The following SESTD1 variants were observed in gnomAD, a reference collection of about 807,000 sequenced individuals.
The protein encoded by SESTD1 is SEC14 and spectrin domain containing 1.
Under a neutral mutation model 101.7 loss-of-function variants are expected in SESTD1, and 43 were observed. That is an observed-to-expected ratio of 0.42 (90% CI 0.33 to 0.55). The LOEUF (loss-of-function observed/expected upper bound fraction) is 0.55. SESTD1 is among the 20% of genes least tolerant of loss of function. The probability of loss-of-function intolerance (pLI) is 0.07; values close to 1 mark genes in which losing one functional copy is unlikely to be tolerated. For synonymous variants in SESTD1, 283 were observed against 286.8 expected, an observed-to-expected ratio of 0.99 and a Z score of 0.13; for missense variants, 647 against 815.1, an observed-to-expected ratio of 0.79 and a Z score of 2.51.
intron 5 of SESTD1, among the ~76,000 whole-genome samples, chr2:179,167,879 C>T (rs1482634176): frequency 6.6e-6 from 1 of 152,148 alleles, no homozygotes; most frequent in Non-Finnish European, 1.5e-5. Flanking sequence ...TCTCCTGTCT[C>T]AGCCTCCCGA....
intron 1 of SESTD1, among the ~76,000 whole-genome samples, chr2:179,219,329 A>T (rs191165671): frequency 3.9e-4 from 59 of 152,354 alleles, no homozygotes; most frequent in Middle Eastern, 6.8e-3. Context: ...TAAATCAACC[A>T]GTTTATTTGG....
At chr2:179,168,325 A>G (rs1167938636) in intron 5 of SESTD1, among the ~76,000 whole-genome samples, 1 of 152,228 alleles carries the variant, frequency 6.6e-6, no homozygotes, top group African/African-American at 2.4e-5. Context: ...TAAGAATACA[A>G]TGTATAATAC....
intron 4 of SESTD1, 79 bp from the exon 5 acceptor site, chr2:179,172,312 C>T: frequency 1.1e-6 from 1 of 899,634 alleles, no homozygotes; most frequent in Non-Finnish European, 1.7e-6. Flanking sequence ...ACCAGACAGT[C>T]AAGATTATGC....
intron 7 of SESTD1, among the ~76,000 whole-genome samples, chr2:179,146,781 A>G (rs187341152): frequency 6.6e-6 from 1 of 152,192 alleles, no homozygotes; most frequent in South Asian, 2.1e-4. Flanking sequence ...TTCAAAATGA[A>G]GTTTGTCATA....
Position 179,114,358 on chromosome 2 carries a change from C to T in SESTD1, c.1839+707G>A, listed in dbSNP as rs192501460. 1.6e-3 allele frequency among the ~76,000 whole-genome samples: 239 copies of T among 152,136 alleles called. 3 individuals carry two copies. The highest frequency in any genetic ancestry group is 5.0e-3 in the African/African-American group (207 of 41,498). Reference sequence around the variant, plus strand: ...GGTTTGCTAATATCTCAAAGTGTATCGAACATTCCCTACATATAAACTTTT... The same window carrying T: ...GGTTTGCTAATATCTCAAAGTGTATTGAACATTCCCTACATATAAACTTTT... On this transcript the variant is annotated intron_variant, in intron 16 of 17. Transcript: ENST00000428443.
At chr2:179,112,881 CACAG>C (rs1231336787) in intron 16 of SESTD1, 36 bp from the exon 17 acceptor site, 9 of 1,583,924 alleles carry the variant, frequency 5.7e-6, no homozygotes, top group African/African-American at 4.1e-5. Context: ...AATCAAGAGA[CACAG>C]ACAGGTCTGC....
rs552972092 is a variant in SESTD1, at chr2:179,186,010, A to G, written c.56-2822T>C. Among the ~76,000 whole-genome samples, 24 of 145,216 alleles carry G rather than the reference A, an allele frequency of 1.7e-4. 2 individuals are homozygous for G. The South Asian group carries it at 4.9e-3, about 30-fold the overall frequency. On this transcript the variant is annotated intron_variant, in intron 2 of 17. Coordinates refer to ENST00000428443, the MANE Select transcript of SESTD1 (RefSeq NM_178123.5). Reference sequence around the variant, plus strand: ...ATATACAATATATAATACAGCATATACAATATAGTATATTACATACAGTAT... The same window carrying G: ...ATATACAATATATAATACAGCATATGCAATATAGTATATTACATACAGTAT...
chr2:179,116,831 C>T (rs748919928), intron 14 of SESTD1, 41 bp from the exon 15 acceptor site: 5 of 1,595,240 alleles, frequency 3.1e-6, no homozygotes, highest in African/African-American at 1.3e-5. Context: ...ATTCAGAACT[C>T]TTTACTTATT....
At chr2:179,187,805 T>G (rs1441276913) in intron 2 of SESTD1, among the ~76,000 whole-genome samples, 1 of 152,104 alleles carries the variant, frequency 6.6e-6, no homozygotes, top group Non-Finnish European at 1.5e-5. Flanking sequence ...AAACAGACTT[T>G]AAACCAACAA....
chr2:179,244,041 T>A (rs944522756), intron 1 of SESTD1, among the ~76,000 whole-genome samples: 2 of 151,672 alleles, frequency 1.3e-5, no homozygotes, highest in Non-Finnish European at 2.9e-5. Flanking sequence ...GGAGCCTCAC[T>A]AAGCCCAGGA....
chr2:179,129,374 T>G (rs978918596), intron 10 of SESTD1, among the ~76,000 whole-genome samples: 1 of 152,258 alleles, frequency 6.6e-6, no homozygotes, highest in Non-Finnish European at 1.5e-5. Flanking sequence ...ACCATTTTCA[T>G]GTACCTTATT....
chr2:179,160,745 G>A (rs1575451963), intron 5 of SESTD1, among the ~76,000 whole-genome samples: 2 of 151,908 alleles, frequency 1.3e-5, no homozygotes, highest in South Asian at 2.1e-4. Flanking sequence ...AGCCTATTGT[G>A]ACTCTCTAAA....
chr2:179,175,623 T>C (rs189199557), intron 4 of SESTD1, among the ~76,000 whole-genome samples: 164 of 152,326 alleles, frequency 1.1e-3, no homozygotes, highest in Non-Finnish European at 1.9e-3. Flanking sequence ...TTCATTTAAA[T>C]TGGATAATTA....
rs1043445618 is a variant in SESTD1, at chr2:179,264,756, C to A, written c.-283G>T. 5.9e-5 allele frequency: 9 copies of A among 151,538 alleles called. No homozygotes were observed. Among genetic ancestry groups the A allele is most frequent in the Non-Finnish European group, 8.9e-5 (6 of 67,612 alleles). The allele number at this position is 151,538 out of a possible 1,614,324, so 9.4% of individuals were successfully genotyped here. ...CGGCGACCTCTCGGCACCCGCGGCC[C>A]GAGCCGCGTCCGCGCGACCCCGCGC... On this transcript the variant is annotated 5_prime_UTR_variant, in exon 1 of 18. Coordinates refer to ENST00000428443, the MANE Select transcript of SESTD1 (RefSeq NM_178123.5).
intron 1 of SESTD1, among the ~76,000 whole-genome samples, chr2:179,227,320 C>T (rs544249043): frequency 1.3e-5 from 2 of 152,118 alleles, no homozygotes; most frequent in Non-Finnish European, 2.9e-5. Context: ...ATCTATGAAA[C>T]CTTTTCAGTT....
rs367620328 is a variant in SESTD1, at chr2:179,201,108, C to T, written c.-25-9242G>A. On this transcript the variant is annotated intron_variant, in intron 1 of 17. Transcript: ENST00000428443. ...ACAAACAACCCCATCAAAAAGTGGG[C>T]GAAGGACATGAACAGACACTTCTCA... 8.9e-5 allele frequency among the ~76,000 whole-genome samples: 12 copies of T among 134,100 alleles called. 2 individuals carry two copies. Among genetic ancestry groups the T allele is most frequent in the Admixed American group, 2.2e-4 (3 of 13,824 alleles). 88.0% of individuals were successfully genotyped at this position (134,100 alleles called of 152,430 possible).
chr2:179,190,346 G>GA (rs1178339525), intron 2 of SESTD1, among the ~76,000 whole-genome samples: 1 of 151,992 alleles, frequency 6.6e-6, no homozygotes, highest in Non-Finnish European at 1.5e-5. Context: ...ATATGCAGAA[G>GA]AATGAAACTG....
chr2:179,158,964 C>T (rs1314638063), intron 5 of SESTD1, among the ~76,000 whole-genome samples: 1 of 152,154 alleles, frequency 6.6e-6, no homozygotes, highest in African/African-American at 2.4e-5. Flanking sequence ...TCAGTTTCCA[C>T]TGCAATAATC....
intron 1 of SESTD1, among the ~76,000 whole-genome samples, chr2:179,239,059 T>C (rs904431235): frequency 1.4e-4 from 22 of 151,984 alleles, no homozygotes; most frequent in Admixed American, 9.8e-4. Flanking sequence ...TAGCAGTAAA[T>C]TATTTATTAT....
Sources: allele counts gnomAD v4.1 joint callset (sites outside exome capture counted in the v4.1 genomes callset), GRCh38; gene constraint gnomAD v4.1.1; transcripts MANE v1.5; gene names NCBI Gene and HGNC (gene_info 2026-07-23, HGNC 2026-07-21).